NELL1: variants seen among roughly 807,000 people sequenced by gnomAD.
NELL1 encodes neural EGFL like 1.
Under a neutral mutation model 107.4 loss-of-function variants are expected in NELL1, and 76 were observed. The ratio of observed to expected loss-of-function variants is 0.71; its 90% CI spans 0.59 to 0.86. The LOEUF is 0.86. NELL1 is among the 40% of genes least tolerant of loss of function. The pLI, the probability that NELL1 is intolerant of heterozygous loss-of-function variation, is 0.00. For missense variants in NELL1, 1,024 were observed against 1,005.5 expected (o/e 1.02, Z -0.25); for synonymous variants, 353 against 341.2 (o/e 1.03, Z -0.38).
intron 13 of NELL1, among the ~76,000 whole-genome samples, chr11:21,186,227 C>T (rs1425442193): frequency 6.6e-6 from 1 of 151,822 alleles, no homozygotes; most frequent in African/African-American, 2.4e-5. Flanking sequence ...TTCACTGAGA[C>T]CCTGTAGTAG....
intron 4 of NELL1, among the ~76,000 whole-genome samples, chr11:20,880,407 G>A (rs756430367): frequency 6.6e-6 from 1 of 152,156 alleles, no homozygotes; most frequent in African/African-American, 2.4e-5. Context: ...TAATCCTCAT[G>A]ACAATCCATA....
At chr11:21,291,819 T>TA (rs1233380997) in intron 14 of NELL1, among the ~76,000 whole-genome samples, 2 of 152,010 alleles carry the variant, frequency 1.3e-5, no homozygotes, top group African/African-American at 2.4e-5. Context: ...GAACTGATGA[T>TA]AAAAACCACA....
intron 14 of NELL1, among the ~76,000 whole-genome samples, chr11:21,294,830 C>T (rs1238983172): frequency 2.0e-5 from 3 of 151,938 alleles, no homozygotes; most frequent in African/African-American, 4.8e-5. Context: ...TAGGTTTCAG[C>T]GACAGATCAA....
chr11:21,504,108 A>T (rs1855221028), intron 15 of NELL1: 1 of 152,192 alleles, frequency 6.6e-6, no homozygotes, highest in Admixed American at 6.5e-5. Context: ...TGGCTCCATG[A>T]AAGAGGTCTG....
chr11:21,570,993 A>T, intron 18 of NELL1, 53 bp downstream of exon 18: 1 of 1,546,244 alleles, frequency 6.5e-7, no homozygotes, highest in Middle Eastern at 2.1e-4. Context: ...AAGAGGTTAC[A>T]AATTCAGTTG....
At chr11:21,496,094 ATAGAT>A (rs1854969724) in intron 15 of NELL1, among the ~76,000 whole-genome samples, 1 of 152,034 alleles carries the variant, frequency 6.6e-6, no homozygotes, top group East Asian at 1.9e-4. Context: ...CTTGAAAATG[ATAGAT>A]TAATTTTTCA....
At chr11:21,448,570 T>A (rs1186424364) in intron 15 of NELL1, among the ~76,000 whole-genome samples, 1 of 152,204 alleles carries the variant, frequency 6.6e-6, no homozygotes, top group African/African-American at 2.4e-5. Context: ...TTTGGTTAGG[T>A]CTAACTGACA....
intron 16 of NELL1, among the ~76,000 whole-genome samples, chr11:21,551,554 C>G (rs1268103580): frequency 6.6e-6 from 1 of 151,466 alleles, no homozygotes; most frequent in Non-Finnish European, 1.5e-5. Flanking sequence ...CATCACTGGC[C>G]ATCAGAGAAA....
chr11:21,498,133 T>C (rs981475478), intron 15 of NELL1, among the ~76,000 whole-genome samples: 1 of 151,844 alleles, frequency 6.6e-6, no homozygotes, highest in Non-Finnish European at 1.5e-5. Flanking sequence ...AATATTTCTC[T>C]ACATTTGCAC....
chr11:21,156,218 G>A (rs1856230249), intron 13 of NELL1, among the ~76,000 whole-genome samples: 1 of 152,178 alleles, frequency 6.6e-6, no homozygotes, highest in South Asian at 2.1e-4. Context: ...TAGAAGGAAG[G>A]AAATTTTTTT....
At chr11:21,442,726 A>G (rs1342751200) in intron 15 of NELL1, among the ~76,000 whole-genome samples, 1 of 152,160 alleles carries the variant, frequency 6.6e-6, no homozygotes, top group Non-Finnish European at 1.5e-5. Context: ...ACAGGAATGA[A>G]AGAGCCACTA....
At chr11:20,792,298 G>A (rs550926130) in intron 3 of NELL1, among the ~76,000 whole-genome samples, 2 of 151,930 alleles carry the variant, frequency 1.3e-5, no homozygotes, top group African/African-American at 4.8e-5. Context: ...ATTTATATTA[G>A]CGATTTCTTT....
chr11:21,251,020 G>C (rs907796584), intron 14 of NELL1, among the ~76,000 whole-genome samples: 1 of 152,092 alleles, frequency 6.6e-6, no homozygotes, highest in African/African-American at 2.4e-5. Context: ...CCTCGGTTCT[G>C]AATGCTTAAA....
chr11:21,209,818 G>T (rs1278229291), intron 13 of NELL1, among the ~76,000 whole-genome samples: 5 of 152,044 alleles, frequency 3.3e-5, no homozygotes, highest in Non-Finnish European at 4.4e-5. Flanking sequence ...TTTAACTTTG[G>T]TTTTATGCAA....
chr11:21,340,501 A>T (rs1850538272), intron 14 of NELL1, among the ~76,000 whole-genome samples: 1 of 152,136 alleles, frequency 6.6e-6, no homozygotes, highest in South Asian at 2.1e-4. Flanking sequence ...TTGAACTCGT[A>T]ACCCAATGTG....
At chr11:20,711,125 A>C (rs1307812063) in intron 2 of NELL1, among the ~76,000 whole-genome samples, 1 of 151,842 alleles carries the variant, frequency 6.6e-6, no homozygotes, top group East Asian at 1.9e-4. Context: ...TAGATATTCT[A>C]TTTGTGCTCC....
At chr11:20,720,724 T>C (rs1564878944) in intron 2 of NELL1, among the ~76,000 whole-genome samples, 1 of 152,062 alleles carries the variant, frequency 6.6e-6, no homozygotes, top group African/African-American at 2.4e-5. Flanking sequence ...TCTCTCTATG[T>C]CTCTTCAAAT....
At chr11:20,938,971 C>T (rs192297799) in intron 10 of NELL1, among the ~76,000 whole-genome samples, 10 of 149,730 alleles carry the variant, frequency 6.7e-5, no homozygotes, top group South Asian at 2.1e-4. Context: ...TGTGCATGCA[C>T]GTGTGTATGT....
intron 11 of NELL1, among the ~76,000 whole-genome samples, chr11:20,952,193 T>C (rs1851082758): frequency 6.6e-6 from 1 of 152,194 alleles, no homozygotes; most frequent in Non-Finnish European, 1.5e-5. Context: ...GCTCTAATTG[T>C]ATCTTTAATG....
Sources: allele counts gnomAD v4.1 joint callset (sites outside exome capture counted in the v4.1 genomes callset), GRCh38; gene constraint gnomAD v4.1.1; transcripts MANE v1.5; gene names NCBI Gene and HGNC (gene_info 2026-07-23, HGNC 2026-07-21).